Variants in PRKG1 observed in about 807,000 individuals in gnomAD.
The protein encoded by PRKG1 is cGMP-dependent protein kinase 1.
A neutral mutation model predicts 88.1 loss-of-function variants in PRKG1; 35 were observed. The observed-to-expected ratio is 0.40, with a 90% CI of 0.30 to 0.53. PRKG1 has a LOEUF of 0.53. Among genes scored for constraint, PRKG1 ranks in the 20% least tolerant of loss-of-function variants. The pLI is 0.59. For missense variants in PRKG1, 540 were observed against 839.8 expected, an observed-to-expected ratio of 0.64 and a Z score of 4.41; for synonymous variants, 303 against 292.5, an observed-to-expected ratio of 1.04 and a Z score of -0.37.
At chr10:51,534,774 T>C (rs1490595440) in intron 3 of PRKG1, among the ~76,000 whole-genome samples, 1 of 152,120 alleles carries the variant, frequency 6.6e-6, no homozygotes, top group African/African-American at 2.4e-5. Flanking sequence ...AATGTATTTA[T>C]TTTAAAAATA....
chr10:52,198,248 T>C (rs1227668867), intron 9 of PRKG1, among the ~76,000 whole-genome samples: 1 of 152,186 alleles, frequency 6.6e-6, no homozygotes, highest in African/African-American at 2.4e-5. Flanking sequence ...AAGGGTATAA[T>C]TACTTGACTT....
intron 2 of PRKG1, among the ~76,000 whole-genome samples, chr10:51,315,548 T>TA (rs1186328155): frequency 6.6e-6 from 1 of 152,188 alleles, no homozygotes; most frequent in Non-Finnish European, 1.5e-5. Flanking sequence ...ATTGAGTTCT[T>TA]AGTGTATTTT....
intron 2 of PRKG1, among the ~76,000 whole-genome samples, chr10:51,158,140 GATA>G (rs780003468): frequency 6.6e-6 from 1 of 151,740 alleles, no homozygotes; most frequent in Non-Finnish European, 1.5e-5. Flanking sequence ...GTTTGTTAAT[GATA>G]ATAACTTTTG....
intron 5 of PRKG1, among the ~76,000 whole-genome samples, chr10:51,940,904 T>C (rs563250354): frequency 6.6e-6 from 1 of 151,982 alleles, no homozygotes; most frequent in African/African-American, 2.4e-5. Flanking sequence ...ATGATGAAAG[T>C]GAGAGATAGA....
intron 3 of PRKG1, among the ~76,000 whole-genome samples, chr10:51,689,844 T>G (rs1225804974): frequency 1.3e-5 from 2 of 152,108 alleles, no homozygotes; most frequent in Non-Finnish European, 2.9e-5. Flanking sequence ...CAAATTCAAT[T>G]AAATAAAACT....
At chr10:52,168,322 A>G (rs1391626263) in intron 9 of PRKG1, among the ~76,000 whole-genome samples, 1 of 152,174 alleles carries the variant, frequency 6.6e-6, no homozygotes. Flanking sequence ...GGAGGTATGG[A>G]GAGCATTCTA....
chr10:52,213,480 C>T (rs973105670), intron 9 of PRKG1, among the ~76,000 whole-genome samples: 3 of 152,164 alleles, frequency 2.0e-5, no homozygotes, highest in African/African-American at 7.2e-5. Flanking sequence ...AAGGAAGAGT[C>T]CATTTTAACA....
intron 3 of PRKG1, chr10:51,699,123 G>T (rs141677700): frequency 6.8e-6 from 11 of 1,614,086 alleles, no homozygotes; most frequent in Non-Finnish European, 9.3e-6. Context: ...TGCTTCATCA[G>T]CTCAAACATC....
chr10:51,667,427 T>A (rs1019620514), intron 3 of PRKG1, among the ~76,000 whole-genome samples: 2 of 152,196 alleles, frequency 1.3e-5, no homozygotes, highest in Non-Finnish European at 2.9e-5. Context: ...TCAAGCTAAC[T>A]GGGTTTTTAA....
At chr10:51,043,989 A>G (rs557638762) in intron 1 of PRKG1, among the ~76,000 whole-genome samples, 1 of 152,306 alleles carries the variant, frequency 6.6e-6, no homozygotes, top group East Asian at 1.9e-4. Flanking sequence ...GTACTAACTC[A>G]TTGAATCCTC....
chr10:52,062,704 T>C, intron 7 of PRKG1, 73 bp downstream of exon 7: 1 of 1,088,662 alleles, frequency 9.2e-7, no homozygotes, highest in East Asian at 2.4e-5. Context: ...TTTGAGCTCC[T>C]AGCACAATAG....
In PRKG1 at chr10:51,609,598, T is replaced by A. The variant is rs999365124; in HGVS notation, c.592+141762T>A. ...GACATGTAATCAACCCAAATACCTA[T>A]CAACAACAGACTGGATAAAGAAAAT... On this transcript the variant is annotated intron_variant, in intron 3 of 17. Coordinates refer to ENST00000373980, the MANE Select transcript of PRKG1 (RefSeq NM_006258.4). 1.3e-4 allele frequency among the ~76,000 whole-genome samples: 20 copies of A among 152,194 alleles called. No homozygotes were observed. The Middle Eastern group carries it at 0.01, about 78-fold the overall frequency.
intron 4 of PRKG1, among the ~76,000 whole-genome samples, chr10:51,812,854 T>G (rs923033296): frequency 1.3e-5 from 2 of 151,328 alleles, no homozygotes; most frequent in Non-Finnish European, 3.0e-5. Flanking sequence ...GACTGTTGAG[T>G]TTTTTGGCAA....
At chr10:51,649,284 A>C (rs370988325) in intron 3 of PRKG1, among the ~76,000 whole-genome samples, 3 of 152,330 alleles carry the variant, frequency 2.0e-5, no homozygotes, top group African/African-American at 7.2e-5. Context: ...TTTAAAGAGA[A>C]GAAATAATCA....
chr10:52,026,170 A>G (rs946684594), intron 5 of PRKG1, among the ~76,000 whole-genome samples: 1 of 152,130 alleles, frequency 6.6e-6, no homozygotes, highest in East Asian at 1.9e-4. Context: ...ACTTATTTTT[A>G]TCTATGAAAA....
intron 8 of PRKG1, among the ~76,000 whole-genome samples, chr10:52,146,048 G>A (rs35222522): frequency 0.17 from 26,454 of 152,144 alleles, 2,708 homozygotes; most frequent in South Asian, 0.29. Flanking sequence ...TAGGCAAGAA[G>A]GGTGTTGTCC....
chr10:51,239,781 A>G (rs1839101919), intron 2 of PRKG1, among the ~76,000 whole-genome samples: 1 of 152,192 alleles, frequency 6.6e-6, no homozygotes, highest in Admixed American at 6.6e-5. Flanking sequence ...TTGGAATTCC[A>G]GCTCCAAGAT....
intron 5 of PRKG1, among the ~76,000 whole-genome samples, chr10:52,016,434 C>G (rs1280449509): frequency 6.6e-6 from 1 of 152,124 alleles, no homozygotes; most frequent in African/African-American, 2.4e-5. Flanking sequence ...CAGTCACCTC[C>G]CACCAGATCA....
intron 2 of PRKG1, among the ~76,000 whole-genome samples, chr10:51,154,163 C>T (rs1846146490): frequency 6.6e-6 from 1 of 151,978 alleles, no homozygotes; most frequent in South Asian, 2.1e-4. Flanking sequence ...ACAGGTCATT[C>T]AGAGAAGTGG....
Sources: gnomAD v4.1 joint callset for allele counts (sites outside exome capture counted in the v4.1 genomes callset) on GRCh38, gnomAD v4.1.1 for gene constraint, MANE v1.5 for transcripts, NCBI Gene and HGNC (gene_info 2026-07-23, HGNC 2026-07-21) for gene names.